EXOC6B: variants seen among roughly 807,000 people sequenced by gnomAD.
EXOC6B encodes exocyst complex component 6B, also known as SEC15 homolog B.
A neutral mutation model predicts 113.5 loss-of-function variants in EXOC6B; 54 were observed. The ratio of observed to expected loss-of-function variants is 0.48; its 90% confidence interval spans 0.38 to 0.60. EXOC6B has a LOEUF of 0.60. Ranked by LOEUF, EXOC6B falls within the 20% of genes least tolerant of loss-of-function variation. EXOC6B has a pLI of 0.00. For missense variants in EXOC6B, 797 were observed against 977.5 expected (o/e 0.82, Z 2.46); for synonymous variants, 357 against 339.0 (o/e 1.05, Z -0.58).
chr2:72,401,510 TA>T (rs1693170768), intron 18 of EXOC6B, among the ~76,000 whole-genome samples: 2 of 41,748 alleles, frequency 4.8e-5, no homozygotes, highest in Non-Finnish European at 7.0e-5. Context: ...TATATATATA[TA>T]TATACATATA....
At chr2:72,765,806 TA>T (rs1683025186) in intron 1 of EXOC6B, among the ~76,000 whole-genome samples, 1 of 152,092 alleles carries the variant, frequency 6.6e-6, no homozygotes, top group Admixed American at 6.6e-5. Flanking sequence ...CCCCTCAAGG[TA>T]AGTACCAAAT....
chr2:72,650,726 G>T (rs192149900), intron 6 of EXOC6B, among the ~76,000 whole-genome samples: 1 of 152,106 alleles, frequency 6.6e-6, no homozygotes, highest in East Asian at 1.9e-4. Context: ...ATGAAAAGAT[G>T]TTCAACATCA....
chr2:72,574,128 A>AGT (rs1368046554), intron 7 of EXOC6B, among the ~76,000 whole-genome samples: 1 of 151,576 alleles, frequency 6.6e-6, no homozygotes, highest in Non-Finnish European at 1.5e-5. Context: ...AAAAAAAAAA[A>AGT]AGTAGTAGTT....
chr2:72,251,313 C>G (rs1683006377), intron 20 of EXOC6B, among the ~76,000 whole-genome samples: 1 of 152,096 alleles, frequency 6.6e-6, no homozygotes, highest in South Asian at 2.1e-4. Context: ...AATTTGTTTT[C>G]CACCACATTA....
intron 16 of EXOC6B, among the ~76,000 whole-genome samples, chr2:72,483,639 T>C (rs1199867997): frequency 6.6e-6 from 1 of 152,190 alleles, no homozygotes; most frequent in Non-Finnish European, 1.5e-5. Context: ...AGGATTACAG[T>C]AGATACCATG....
chr2:72,607,243 C>T (rs754217629), intron 6 of EXOC6B, among the ~76,000 whole-genome samples: 2 of 152,144 alleles, frequency 1.3e-5, no homozygotes, highest in Admixed American at 6.5e-5. Context: ...TCTCTCATCA[C>T]TTACAAGAGA....
chr2:72,333,049 G>C (rs1385041367), intron 20 of EXOC6B, among the ~76,000 whole-genome samples: 1 of 152,108 alleles, frequency 6.6e-6, no homozygotes, highest in African/African-American at 2.4e-5. Context: ...TGCTTCAGTA[G>C]AGACAGGTAT....
chr2:72,608,015 A>T (rs1353516443), intron 6 of EXOC6B, among the ~76,000 whole-genome samples: 1 of 152,182 alleles, frequency 6.6e-6, no homozygotes, highest in Non-Finnish European at 1.5e-5. Flanking sequence ...AATTCAGCAA[A>T]TATGAAAGAA....
At chr2:72,263,569 C>A (rs1018996656) in intron 20 of EXOC6B, 1 of 152,106 alleles carries the variant, frequency 6.6e-6, no homozygotes, top group Non-Finnish European at 1.5e-5. Flanking sequence ...AATGCTGAAT[C>A]CACTGAGAAA....
chr2:72,760,831 G>T (rs986121400), intron 1 of EXOC6B, among the ~76,000 whole-genome samples: 1 of 152,072 alleles, frequency 6.6e-6, no homozygotes, highest in Non-Finnish European at 1.5e-5. Context: ...TTCAATACAA[G>T]GAATTAAAAA....
At chr2:72,618,902 C>G (rs1229731989) in intron 6 of EXOC6B, among the ~76,000 whole-genome samples, 1 of 152,110 alleles carries the variant, frequency 6.6e-6, no homozygotes, top group African/African-American at 2.4e-5. Flanking sequence ...GTTCTGAGAC[C>G]CAAGTCTCAG....
intron 1 of EXOC6B, among the ~76,000 whole-genome samples, chr2:72,755,635 A>C (rs1682365779): frequency 2.0e-5 from 3 of 152,224 alleles, no homozygotes. Flanking sequence ...AAAGAAACAG[A>C]GGAAGAAAGG....
At chr2:72,662,778 A>G (rs1049709709) in intron 6 of EXOC6B, among the ~76,000 whole-genome samples, 1 of 151,756 alleles carries the variant, frequency 6.6e-6, no homozygotes, top group Non-Finnish European at 1.5e-5. Context: ...TCTCACTTTC[A>G]CCAGGCTGGA....
chr2:72,604,196 A>G (rs1670612154), intron 6 of EXOC6B, among the ~76,000 whole-genome samples: 1 of 152,184 alleles, frequency 6.6e-6, no homozygotes, highest in South Asian at 2.1e-4. Flanking sequence ...CAAAACCCAA[A>G]GTCGGTGTTA....
At chr2:72,762,272 G>GA (rs1168966452) in intron 1 of EXOC6B, among the ~76,000 whole-genome samples, 2 of 149,806 alleles carry the variant, frequency 1.3e-5, no homozygotes, top group Non-Finnish European at 3.0e-5. Context: ...AAGAAAAGAA[G>GA]AAAAAACCTG....
At position 72,177,677 on chromosome 2, in the gene EXOC6B, C is replaced by T. The variant is rs1273735119; in HGVS notation, c.*1658G>A. ...TGTGTGCACATCCTCTTCCCCATGA[C>T]TATCAAGATATGATAGGATATGGTG... On this transcript the variant is annotated 3_prime_UTR_variant, in exon 22 of 22. Transcript: ENST00000272427. The T allele has an allele frequency of 2.6e-5, 4 of 151,886 alleles. No individual in the cohort carries two copies. Among genetic ancestry groups the T allele is most frequent in the African/African-American group, 4.8e-5 (2 of 41,402 alleles). The allele number at this position is 151,886 out of a possible 1,614,324, so 9.4% of individuals were successfully genotyped here.
chr2:72,713,982 A>G (rs747800022), intron 6 of EXOC6B, among the ~76,000 whole-genome samples: 2 of 152,074 alleles, frequency 1.3e-5, no homozygotes, highest in Non-Finnish European at 2.9e-5. Context: ...GAGATGTGCC[A>G]CTTATAAGCT....
intron 20 of EXOC6B, among the ~76,000 whole-genome samples, chr2:72,242,493 A>G (rs2104511611): frequency 6.6e-6 from 1 of 152,306 alleles, no homozygotes; most frequent in East Asian, 1.9e-4. Flanking sequence ...ATGATATGCT[A>G]AGAGAAAAGA....
chr2:72,681,596 T>C (rs565943777), intron 6 of EXOC6B, among the ~76,000 whole-genome samples: 1 of 152,242 alleles, frequency 6.6e-6, no homozygotes, highest in East Asian at 1.9e-4. Context: ...TGTGTACACA[T>C]AGGATAATCT....
Sources: gnomAD v4.1 joint callset for allele counts (sites outside exome capture counted in the v4.1 genomes callset) on GRCh38, gnomAD v4.1.1 for gene constraint, MANE v1.5 for transcripts, NCBI Gene and HGNC (gene_info 2026-07-23, HGNC 2026-07-21) for gene names.